The following CLEC16A variants were observed in gnomAD, a reference collection of about 807,000 sequenced individuals.
The protein encoded by CLEC16A is C-type lectin domain containing 16A, also known as protein CLEC16A.
CLEC16A carries 51 observed loss-of-function variants against 109.5 expected under a neutral mutation model. That is an observed-to-expected ratio of 0.47 (90% CI 0.37 to 0.59). The LOEUF is 0.59. Ranked by LOEUF, CLEC16A falls within the 20% of genes least tolerant of loss-of-function variation. CLEC16A has a pLI of 0.00. For missense variants in CLEC16A, 1,339 were observed against 1,394.0 expected (o/e 0.96, Z 0.63); for synonymous variants, 673 against 564.2 (o/e 1.19, Z -2.73).
intron 9 of CLEC16A, 41 bp downstream of exon 9, chr16:10,979,423 G>T (rs548091365): frequency 2.5e-6 from 4 of 1,573,804 alleles, no homozygotes; most frequent in East Asian, 2.3e-5. Flanking sequence ...TACATTTGGG[G>T]TCCCTTGGCG....
intron 12 of CLEC16A, 51 bp downstream of exon 12, chr16:11,020,376 G>GT: frequency 6.5e-7 from 1 of 1,537,312 alleles, no homozygotes; most frequent in East Asian, 2.4e-5. Flanking sequence ...AAGAGGAGAG[G>GT]GCTCAGTGGG....
At chr16:11,135,245 T>TC (rs2053488329) in intron 22 of CLEC16A, among the ~76,000 whole-genome samples, 1 of 152,194 alleles carries the variant, frequency 6.6e-6, no homozygotes, top group Non-Finnish European at 1.5e-5. Flanking sequence ...CCAAGGGGTC[T>TC]CCTGTTTGCC....
At chr16:11,068,473 GA>G in intron 19 of CLEC16A, among the ~76,000 whole-genome samples, 1 of 152,230 alleles carries the variant, frequency 6.6e-6, no homozygotes. Flanking sequence ...TCATGGGAGT[GA>G]ACCCTTCTCC....
intron 22 of CLEC16A, among the ~76,000 whole-genome samples, chr16:11,140,165 C>T (rs1226049532): frequency 6.6e-6 from 1 of 152,160 alleles, no homozygotes; most frequent in East Asian, 1.9e-4. Context: ...TCTGGGGTAA[C>T]CTACGTGCCC....
At chr16:11,010,044 T>C (rs2045305672) in intron 11 of CLEC16A, among the ~76,000 whole-genome samples, 1 of 152,162 alleles carries the variant, frequency 6.6e-6, no homozygotes, top group African/African-American at 2.4e-5. Flanking sequence ...TCCCAGCTAC[T>C]CTGGAGGCTG....
chr16:10,953,875 G>A (rs2041856076), intron 1 of CLEC16A, among the ~76,000 whole-genome samples: 1 of 151,992 alleles, frequency 6.6e-6, no homozygotes, highest in Non-Finnish European at 1.5e-5. Flanking sequence ...TATTCGGAAG[G>A]CTGAGGCAGG....
In CLEC16A at chr16:11,121,567, T is replaced by C. The variant is rs35032408; in HGVS notation, c.2268+801T>C. On this transcript the variant is annotated intron_variant, in intron 20 of 23. Transcript: ENST00000409790. ...GCTTGGGTTTTGGGGATTTTTTGGG[T>C]TTTTTTTTGTTTTTAATGTTTGCCA... Among the ~76,000 whole-genome samples, 4 of 150,558 alleles carry C rather than the reference T, an allele frequency of 2.7e-5. No individual in the cohort carries two copies. In the East Asian group the frequency reaches 7.8e-4, roughly 29 times the overall value.
chr16:10,988,673 T>G (rs1306859931), intron 10 of CLEC16A, among the ~76,000 whole-genome samples: 1 of 152,146 alleles, frequency 6.6e-6, no homozygotes, highest in East Asian at 1.9e-4. Context: ...ATGTTCCACC[T>G]CCAGAGGCAG....
intron 13 of CLEC16A, 122 bp from the exon 14 acceptor site, chr16:11,039,632 G>T: frequency 1.7e-6 from 2 of 1,167,094 alleles, no homozygotes; most frequent in Non-Finnish European, 2.3e-6. Context: ...AAAAGGAAAA[G>T]AAATCACCAA....
chr16:11,043,885 A>G, intron 15 of CLEC16A, 143 bp from the exon 16 acceptor site: 2 of 446,160 alleles, frequency 4.5e-6, no homozygotes, highest in Middle Eastern at 3.2e-4. Flanking sequence ...AGAAAAGGGA[A>G]AAAAAAAAAA....
At position 11,093,566 on chromosome 16, in the gene CLEC16A, A is replaced by G. The variant is rs528067052; in HGVS notation, c.2117-27049A>G. Among the ~76,000 whole-genome samples, 67 of 152,316 alleles carry G rather than the reference A, an allele frequency of 4.4e-4. No individual in the cohort carries two copies. The South Asian group carries it at 0.013, about 30-fold the overall frequency. The stretch of plus-strand genomic sequence containing the variant: ...TCTCTTCATATCTATACCGCCTGGC[A>G]CTGAGGAGTCACCAAATGAATCTGT... On this transcript the variant is annotated intron_variant, in intron 19 of 23. Coordinates refer to ENST00000409790, the MANE Select transcript of CLEC16A (RefSeq NM_015226.3).
At chr16:11,064,503 G>A (rs1224880360) in intron 19 of CLEC16A, among the ~76,000 whole-genome samples, 1 of 152,242 alleles carries the variant, frequency 6.6e-6, no homozygotes, top group Non-Finnish European at 1.5e-5. Flanking sequence ...AGGGCTGGAT[G>A]TGGTGACTCA....
chr16:11,174,170 A>C lies in CLEC16A; in HGVS notation c.2807-4165A>C, dbSNP rs1243060651. On this transcript the variant is annotated intron_variant, in intron 23 of 23. Transcript: ENST00000409790. This position sits in a 1 kb window ranked among gnomAD's most constrained non-coding sequence, Gnocchi z 4.7. ...TCCCTCTAGTCAGGAGTGGCAGGAA[A>C]GGACGCCGACGAGTGTTCAGCCTGT... The C allele has an allele frequency of 2.1e-6, 1 of 470,078 alleles. No homozygotes were observed. The highest frequency in any genetic ancestry group is 4.4e-6 in the Non-Finnish European group (1 of 226,896). The allele number at this position is 470,078 out of a possible 1,614,324, so 29.1% of individuals were successfully genotyped here.
rs747277078 is a variant in CLEC16A, at chr16:11,003,163, G to A, written c.1161G>A (p.Val387=). The A allele has an allele frequency of 2.5e-6, 4 of 1,613,536 alleles. No homozygotes were observed. Among genetic ancestry groups the A allele is most frequent in the East Asian group, 2.2e-5 (1 of 44,860 alleles). The stretch of plus-strand genomic sequence containing the variant: ...ACAAGCACAAGGGCAAGAGGCGGGT[G>A]CAAAAGAGACCCAACTACAAAAACG... ...EMNKHKGKRR[V]QKRPNYKNVG... is the part of the protein sequence containing the mutation. Residue 387 remains valine, a synonymous_variant, in exon 11 of 24, where the codon GTG becomes GTA. Coordinates refer to ENST00000409790, the MANE Select transcript of CLEC16A (RefSeq NM_015226.3).
At chr16:10,983,648 A>C (rs2043455854) in intron 10 of CLEC16A, among the ~76,000 whole-genome samples, 1 of 151,972 alleles carries the variant, frequency 6.6e-6, no homozygotes, top group African/African-American at 2.4e-5. Context: ...CAGTGTTGTG[A>C]CTTCTCTTGA....
intron 19 of CLEC16A, among the ~76,000 whole-genome samples, chr16:11,114,951 A>C (rs959901609): frequency 6.6e-6 from 1 of 152,168 alleles, no homozygotes; most frequent in Non-Finnish European, 1.5e-5. Flanking sequence ...TTTTCTTATG[A>C]AATCTCTCAC....
At chr16:11,034,954 C>G (rs956101434) in intron 13 of CLEC16A, among the ~76,000 whole-genome samples, 2 of 151,956 alleles carry the variant, frequency 1.3e-5, no homozygotes, top group African/African-American at 4.8e-5. Flanking sequence ...TGTGTATGTC[C>G]TTGCACACAG....
At chr16:10,973,278 A>G (rs769285910) in intron 7 of CLEC16A, among the ~76,000 whole-genome samples, 1 of 152,224 alleles carries the variant, frequency 6.6e-6, no homozygotes, top group Non-Finnish European at 1.5e-5. Flanking sequence ...GGGTAAATCA[A>G]TTCAGTACAG....
chr16:11,165,685 CAG>C (rs780925279), intron 22 of CLEC16A, among the ~76,000 whole-genome samples: 25 of 152,234 alleles, frequency 1.6e-4, no homozygotes, highest in Non-Finnish European at 2.6e-4. Context: ...GTGTGGGAAA[CAG>C]GGGTGCACCC....
Sources: allele counts gnomAD v4.1 joint callset (sites outside exome capture counted in the v4.1 genomes callset), GRCh38; gene constraint gnomAD v4.1.1; non-coding constraint Gnocchi (gnomAD v3.1); transcripts MANE v1.5; gene names NCBI Gene and HGNC (gene_info 2026-07-23, HGNC 2026-07-21).